Variants in SLC7A10 observed in about 807,000 individuals in gnomAD.
SLC7A10 encodes the protein solute carrier family 7 member 10.
In SLC7A10, 30 loss-of-function variants were observed where a neutral mutation model predicts 52.7. That is an observed-to-expected ratio of 0.57 (90% confidence interval 0.43 to 0.77). SLC7A10 has a LOEUF of 0.77. Among genes scored for constraint, SLC7A10 ranks in the 30% least tolerant of loss-of-function variants. SLC7A10 has a pLI of 0.00. For missense variants in SLC7A10, 581 were observed against 698.5 expected (o/e 0.83, Z 1.90); for synonymous variants, 318 against 314.9 (o/e 1.01, Z -0.10).
rs1160172212 is a variant in SLC7A10 at position 33,225,817 on chromosome 19, G to A, written c.-114C>T. ...CCTCGCAGCCGGGACAGCGCCCACAGGCGGGCGCATGCGCTGGCTCCGGGC... is the reference window on the plus strand; with the variant it reads ...CCTCGCAGCCGGGACAGCGCCCACAAGCGGGCGCATGCGCTGGCTCCGGGC... On this transcript the variant is annotated 5_prime_UTR_variant, in exon 1 of 11. Transcript: ENST00000253188. The A allele has an allele frequency of 2.7e-5, 33 of 1,214,282 alleles. No homozygotes were observed. Among genetic ancestry groups the A allele is most frequent in the South Asian group, 1.5e-4 (6 of 40,590 alleles). 75.2% of individuals were successfully genotyped at this position (1,214,282 alleles called of 1,614,324 possible). A position where few individuals can be genotyped will look rare whatever the true frequency, so the allele number is the denominator to read the frequency against.
At chr19:33,224,513 C>T (rs1203133392) in intron 1 of SLC7A10, among the ~76,000 whole-genome samples, 1 of 152,102 alleles carries the variant, frequency 6.6e-6, no homozygotes, top group African/African-American at 2.4e-5. Context: ...CTACTGAGCC[C>T]CCAAACTTTC....
intron 10 of SLC7A10, 57 bp downstream of exon 10, chr19:33,209,251 G>T: frequency 6.2e-7 from 1 of 1,608,110 alleles, no homozygotes; most frequent in South Asian, 1.1e-5. Context: ...TAAGAGGGAG[G>T]TCTGGTCTCC....
At chr19:33,213,800 G>A (rs79242436) in intron 2 of SLC7A10, among the ~76,000 whole-genome samples, 1 of 152,192 alleles carries the variant, frequency 6.6e-6, no homozygotes, top group Admixed American at 6.5e-5. Flanking sequence ...GGGGTGGAGA[G>A]TGATGGATGC....
Position 33,212,309 on chromosome 19 carries a change from C to T in SLC7A10, c.771G>A (p.Glu257=), listed in dbSNP as rs1323971601. The T allele has an allele frequency of 1.9e-6, 3 of 1,610,242 alleles. No homozygotes were observed. Among genetic ancestry groups the T allele is most frequent in the African/African-American group, 2.7e-5 (2 of 74,866 alleles). Residue 257 remains glutamate (E), a synonymous_variant, in exon 5 of 11, where the codon GAG becomes GAA. Coordinates refer to ENST00000253188, the MANE Select transcript of SLC7A10 (RefSeq NM_019849.3). ...GWNFLNYVTE[E]MVDARKNLPR... ...CCACTCACTTTCGGGCGTCAACCAT[C>T]TCCTCGGTGACATAGTTGAGGAAGT...
chr19:33,225,450 G>C (rs1485517789), intron 1 of SLC7A10, 103 bp downstream of exon 1: 1 of 1,407,244 alleles, frequency 7.1e-7, no homozygotes, highest in Non-Finnish European at 9.8e-7. Context: ...GGTTCCCCAG[G>C]CAGACCCGTC....
chr19:33,223,041 C>T (rs1974846163), intron 1 of SLC7A10, among the ~76,000 whole-genome samples: 1 of 152,058 alleles, frequency 6.6e-6, no homozygotes, highest in Non-Finnish European at 1.5e-5. Flanking sequence ...GGCAGGGTGG[C>T]TCACACCTGT....
rs1715431941 is a variant in SLC7A10 at position 33,210,109 on chromosome 19, C to T, written c.1263+358G>A. Among the ~76,000 whole-genome samples the T allele has an allele frequency of 6.6e-6, 1 of 151,902 alleles. No homozygotes were observed. The highest frequency in any genetic ancestry group is 2.4e-5 in the African/African-American group (1 of 41,346). On this transcript the variant is annotated intron_variant, in intron 9 of 10. Coordinates refer to ENST00000253188, the MANE Select transcript of SLC7A10 (RefSeq NM_019849.3). This position sits in a 1 kb window ranked among gnomAD's most constrained non-coding sequence, Gnocchi z 5.6. Reference sequence around the variant, plus strand: ...GTGCGCACCACCACACCAGGCTAACCCTTTTATTTTTAACTTTTTGCAGAG... The same window carrying T: ...GTGCGCACCACCACACCAGGCTAACTCTTTTATTTTTAACTTTTTGCAGAG...
Position 33,210,817 on chromosome 19 carries a change from G to T in SLC7A10, c.1098C>A (p.Pro366=). The T allele has an allele frequency of 6.2e-7, 1 of 1,613,562 alleles. No individual in the cohort carries two copies. The highest frequency in any genetic ancestry group is 8.5e-7 in the Non-Finnish European group (1 of 1,180,038). The change falls in exon 8 of 11, where the codon CCC becomes CCA. Residue 366 remains proline, a synonymous_variant. Coordinates refer to ENST00000253188, the MANE Select transcript of SLC7A10 (RefSeq NM_019849.3). This position sits in a 1 kb window ranked among gnomAD's most constrained non-coding sequence, Gnocchi z 5.6. The stretch of plus-strand genomic sequence containing the variant: ...CCCAACTTACACAGACGAGGAGGGC[G>T]GGGATGGGGGTGCAGTGTCTGACGT... ...MIHVRHCTPI[P]ALLVCCGATA...
At chr19:33,213,597 T>C (rs1974607552) in intron 2 of SLC7A10, among the ~76,000 whole-genome samples, 1 of 152,168 alleles carries the variant, frequency 6.6e-6, no homozygotes, top group African/African-American at 2.4e-5. Context: ...CACCAAATGC[T>C]TTTCTAATAA....
At chr19:33,212,813 G>T in intron 3 of SLC7A10, 38 bp downstream of exon 3, 1 of 1,610,220 alleles carries the variant, frequency 6.2e-7, no homozygotes, top group Non-Finnish European at 8.5e-7. Flanking sequence ...CCGGGCAGGT[G>T]GCTGATCTGG....
At chr19:33,209,542 C>G in intron 9 of SLC7A10, 57 bp from the exon 10 acceptor site, 1 of 1,575,232 alleles carries the variant, frequency 6.3e-7, no homozygotes, top group Non-Finnish European at 8.7e-7. Flanking sequence ...GTCTGTACCC[C>G]CGACCCCTGG....
chr19:33,211,074 T>C, intron 7 of SLC7A10, 151 bp downstream of exon 7: 1 of 969,970 alleles, frequency 1.0e-6, no homozygotes, highest in Non-Finnish European at 1.6e-6. Context: ...CCAGTTGTGA[T>C]CAGACACTTG....
At chr19:33,215,642 TTCTCTCCATCCACC>T in intron 2 of SLC7A10, 113 bp downstream of exon 2, 2 of 486,798 alleles carry the variant, frequency 4.1e-6, no homozygotes, top group Non-Finnish European at 5.6e-6. Context: ...CCCCCACACC[TTCTCTCCATCCACC>T]CCCACGACCT....
At chr19:33,218,688 T>TC (rs1568394290) in intron 1 of SLC7A10, among the ~76,000 whole-genome samples, 2 of 38,184 alleles carry the variant, frequency 5.2e-5, no homozygotes, top group Non-Finnish European at 7.8e-5. Flanking sequence ...TTTCTTTTTT[T>TC]TTTTTTTTTA....
chr19:33,218,655 C>T (rs115424307), intron 1 of SLC7A10, among the ~76,000 whole-genome samples: 1,023 of 57,286 alleles, frequency 0.018, 28 homozygotes, highest in African/African-American at 0.036. Context: ...TGGGAGGGAC[C>T]GGTGGATTTC....
chr19:33,220,286 C>G (rs925944917), intron 1 of SLC7A10: 1 of 152,208 alleles, frequency 6.6e-6, no homozygotes, highest in South Asian at 2.1e-4. Context: ...CTCTCCGGCT[C>G]GTTCGGCTCA....
chr19:33,215,581 G>GCGCCCC (rs1974654103), intron 2 of SLC7A10, among the ~76,000 whole-genome samples, 188 bp downstream of exon 2: 1 of 115,860 alleles, frequency 8.6e-6, no homozygotes, highest in African/African-American at 3.2e-5. Flanking sequence ...AGGCTGTCCA[G>GCGCCCC]CACCCCCACA....
chr19:33,212,607 G>A lies in SLC7A10; in HGVS notation c.541C>T (p.Arg181Cys), dbSNP rs142016142. 125 of 1,613,834 alleles carry A rather than the reference G, an allele frequency of 7.7e-5. No individual in the cohort carries two copies. Among genetic ancestry groups the A allele is most frequent in the Middle Eastern group, 3.3e-4 (2 of 6,062 alleles). ...LLTWVNSSSV[R>C]WATRIQDMFT... Reference sequence around the variant, plus strand: ...ATGTCCTGGATGCGCGTGGCCCAGCGCACACTGGAGCTGTTCACCCATGTC... The same window carrying A: ...ATGTCCTGGATGCGCGTGGCCCAGCACACACTGGAGCTGTTCACCCATGTC... Residue 181 changes from arginine (R) to cysteine (C), a missense_variant, in exon 4 of 11, where the codon CGC becomes TGC. Physicochemically the swap from Arg to Cys is radical, Grantham distance 180. Transcript: ENST00000253188.
rs1482611059 is a variant in SLC7A10, at chr19:33,210,557, C to T, written c.1173G>A (p.Val391=). 2.5e-6 allele frequency: 4 copies of T among 1,612,240 alleles called. No individual in the cohort carries two copies. Among genetic ancestry groups the T allele is most frequent in the Non-Finnish European group, 3.4e-6 (4 of 1,179,958 alleles). Residue 391 remains valine (V), a synonymous_variant, in exon 9 of 11, where the codon GTG becomes GTA. Transcript: ENST00000253188. The surrounding 1 kb of genome is among the most constrained non-coding windows in gnomAD (Gnocchi z 5.6). ...VGDTYTLINY[V]SFINYLCYGV... ...CGTAGCAGAGGTAGTTGATGAAGGACACATAGTTGATGAGCGTGTACGTGT... is the reference window on the plus strand; with the variant it reads ...CGTAGCAGAGGTAGTTGATGAAGGATACATAGTTGATGAGCGTGTACGTGT...
Sources: gnomAD v4.1 joint callset for allele counts (sites outside exome capture counted in the v4.1 genomes callset) on GRCh38, gnomAD v4.1.1 for gene constraint, Gnocchi (gnomAD v3.1) non-coding constraint, MANE v1.5 for transcripts, NCBI Gene and HGNC (gene_info 2026-07-23, HGNC 2026-07-21) for gene names.